The following ALPK2 variants were observed in gnomAD, a reference collection of about 807,000 sequenced individuals.
ALPK2 encodes alpha kinase 2.
Under a neutral mutation model 163.1 loss-of-function variants are expected in ALPK2, and 127 were observed. The ratio of observed to expected loss-of-function variants is 0.78; its 90% CI spans 0.67 to 0.90. ALPK2 has a LOEUF of 0.90. Among genes scored for constraint, ALPK2 ranks in the 40% least tolerant of loss-of-function variants. The pLI, the probability that ALPK2 is intolerant of heterozygous loss-of-function variation, is 0.00. For missense variants in ALPK2, 2,360 were observed against 2,589.6 expected, an observed-to-expected ratio of 0.91 and a Z score of 1.92; for synonymous variants, 953 against 959.1, an observed-to-expected ratio of 0.99 and a Z score of 0.12.
At chr18:58,576,311 T>C (rs1364383315) in intron 4 of ALPK2, among the ~76,000 whole-genome samples, 2 of 151,810 alleles carry the variant, frequency 1.3e-5, no homozygotes, top group Non-Finnish European at 2.9e-5. Flanking sequence ...GAGGCGGAGG[T>C]TGCAGTGAGC....
intron 10 of ALPK2, among the ~76,000 whole-genome samples, chr18:58,505,328 C>G (rs1251710825): frequency 6.6e-6 from 1 of 152,084 alleles, no homozygotes; most frequent in Non-Finnish European, 1.5e-5. Context: ...CCTCCTCCCC[C>G]AACCGCACCC....
intron 10 of ALPK2, among the ~76,000 whole-genome samples, chr18:58,510,201 G>A (rs533197940): frequency 9.2e-5 from 14 of 152,228 alleles, no homozygotes; most frequent in African/African-American, 3.1e-4. Flanking sequence ...TTGTAGATAC[G>A]TGGCGTTATT....
chr18:58,583,530 C>T (rs2051970325), intron 3 of ALPK2, among the ~76,000 whole-genome samples: 1 of 152,008 alleles, frequency 6.6e-6, no homozygotes, highest in African/African-American at 2.4e-5. Flanking sequence ...AAAAGCACTA[C>T]AAGCTGAGCA....
chr18:58,544,263 C>T (rs910568134), intron 4 of ALPK2: 1 of 152,188 alleles, frequency 6.6e-6, no homozygotes, highest in Admixed American at 6.5e-5. Context: ...TTCAACATGC[C>T]TCTGATTCCA....
chr18:58,550,477 A>G (rs112449427), intron 4 of ALPK2, among the ~76,000 whole-genome samples: 254 of 1,210 alleles, frequency 0.21, no homozygotes, highest in South Asian at 0.32. Context: ...TCTCCATCAT[A>G]TATGACTCTA....
Position 58,619,685 on chromosome 18 carries a change from G to A in ALPK2, c.-20-7868C>T, listed in dbSNP as rs184843990. Among the ~76,000 whole-genome samples the A allele has an allele frequency of 8.5e-5, 13 of 152,302 alleles. No individual in the cohort carries two copies. In the East Asian group the frequency reaches 2.3e-3, roughly 27 times the overall value. ...TTTCAGCCTCAAAGAGTGTGTTTAT[G>A]TAAAATTGAGTACTGGCAGCAAGCT... On this transcript the variant is annotated intron_variant, in intron 1 of 12. Coordinates refer to ENST00000361673, the MANE Select transcript of ALPK2 (RefSeq NM_052947.4).
chr18:58,500,952 T>G (rs2051428780), intron 11 of ALPK2, among the ~76,000 whole-genome samples: 1 of 152,120 alleles, frequency 6.6e-6, no homozygotes, highest in Non-Finnish European at 1.5e-5. Context: ...AATGAGCAAA[T>G]GCAGCCAGGA....
chr18:58,615,161 T>C (rs1482001235), intron 1 of ALPK2, among the ~76,000 whole-genome samples: 2 of 152,142 alleles, frequency 1.3e-5, no homozygotes, highest in Non-Finnish European at 2.9e-5. Flanking sequence ...AACACAATGT[T>C]TTTGGGGTTT....
At position 58,504,090 on chromosome 18, in the gene ALPK2, C is replaced by T; in HGVS notation, c.6088G>A (p.Glu2030Lys). The T allele has an allele frequency of 6.2e-7, 1 of 1,614,232 alleles. No homozygotes were observed. Reference sequence around the variant, plus strand: ...ACAAATTCTCCAATCAGCTCCTCCTCCACTGTAGCATACGGGATATTGTTC... The same window carrying T: ...ACAAATTCTCCAATCAGCTCCTCCTTCACTGTAGCATACGGGATATTGTTC... ...PENNIPYATV[E>K]EELIGEFVKY... is the part of the protein sequence containing the mutation. The change falls in exon 11 of 13, where the codon GAG becomes AAG. Residue 2030 changes from glutamate to lysine, a missense_variant. Transcript: ENST00000361673.
At chr18:58,578,689 T>C in intron 4 of ALPK2, 125 bp downstream of exon 4, 1 of 888,406 alleles carries the variant, frequency 1.1e-6, no homozygotes, top group Non-Finnish European at 1.7e-6. Flanking sequence ...CTTATTTTGA[T>C]TTACATTATG....
chr18:58,615,585 A>T (rs1426962871), intron 1 of ALPK2, among the ~76,000 whole-genome samples: 3 of 152,250 alleles, frequency 2.0e-5, no homozygotes, highest in Non-Finnish European at 4.4e-5. Context: ...ATAAGGAAAG[A>T]GTTCACTTGT....
chr18:58,532,137 T>C (rs73959682), intron 5 of ALPK2, among the ~76,000 whole-genome samples: 2,967 of 152,148 alleles, frequency 0.02, 84 homozygotes, highest in African/African-American at 0.065. Flanking sequence ...AAAGTCACCA[T>C]GGAAAATAAC....
Position 58,514,992 on chromosome 18 carries a change from C to T in ALPK2, c.6029+1G>A. On this transcript the variant is annotated splice_donor_variant, in intron 10 of 12. Coordinates refer to ENST00000361673, the MANE Select transcript of ALPK2 (RefSeq NM_052947.4). LOFTEE classifies it high-confidence loss of function. ...ACACAAGGCAGGGTAAACACACTTA[C>T]TCAGGTACTTCTCCAAAGCCTTCCA... 2 of 1,611,376 alleles carry T rather than the reference C, an allele frequency of 1.2e-6. No individual in the cohort carries two copies. Among genetic ancestry groups the T allele is most frequent in the Non-Finnish European group, 8.5e-7 (1 of 1,178,490 alleles).
chr18:58,511,036 T>G (rs1352468286), intron 10 of ALPK2, among the ~76,000 whole-genome samples: 1 of 152,162 alleles, frequency 6.6e-6, no homozygotes, highest in African/African-American at 2.4e-5. Context: ...CATAGATAGC[T>G]CTTATTATTT....
At chr18:58,596,674 C>T (rs35787047) in intron 3 of ALPK2, among the ~76,000 whole-genome samples, 23,524 of 152,220 alleles carry the variant, frequency 0.15, 1,959 homozygotes, top group African/African-American at 0.18. Flanking sequence ...CCTCTGACCA[C>T]CAACAAGCCA....
chr18:58,489,424 GC>G (rs1308652759), intron 12 of ALPK2, among the ~76,000 whole-genome samples: 1 of 152,098 alleles, frequency 6.6e-6, no homozygotes, highest in Non-Finnish European at 1.5e-5. Flanking sequence ...GGTAGCTCAC[GC>G]CTGTAATCCC....
At chr18:58,564,123 C>CTTTTTT (rs10689097) in intron 4 of ALPK2, among the ~76,000 whole-genome samples, 11 of 102,450 alleles carry the variant, frequency 1.1e-4, no homozygotes, top group African/African-American at 3.3e-4. Context: ...TGTCTTTGTT[C>CTTTTTT]TTTTTTTTTT....
intron 1 of ALPK2, among the ~76,000 whole-genome samples, chr18:58,621,347 T>G (rs1224548995): frequency 6.6e-6 from 1 of 151,082 alleles, no homozygotes; most frequent in East Asian, 2.0e-4. Context: ...CTATCTCGGC[T>G]CACTGCAAGC....
At chr18:58,624,350 T>C (rs1173731548) in intron 1 of ALPK2, among the ~76,000 whole-genome samples, 2 of 152,074 alleles carry the variant, frequency 1.3e-5, no homozygotes, top group Non-Finnish European at 2.9e-5. Flanking sequence ...CTTCCAGAAA[T>C]GCAGGAAACA....
Sources: gnomAD v4.1 joint callset for allele counts (sites outside exome capture counted in the v4.1 genomes callset) on GRCh38, gnomAD v4.1.1 for gene constraint, MANE v1.5 for transcripts, NCBI Gene and HGNC (gene_info 2026-07-23, HGNC 2026-07-21) for gene names.